Variants in PRDM16 observed in about 807,000 individuals in gnomAD.
PRDM16 encodes histone-lysine N-methyltransferase PRDM16.
Under a neutral mutation model 110.6 loss-of-function variants are expected in PRDM16, and 23 were observed. The observed-to-expected ratio is 0.21, with a 90% CI of 0.15 to 0.29. The LOEUF is 0.29. Ranked by LOEUF, PRDM16 falls within the 10% of genes least tolerant of loss-of-function variation. The pLI, the probability that PRDM16 is intolerant of heterozygous loss-of-function variation, is 1.00. For missense variants in PRDM16, 1,615 were observed against 1,794.3 expected, an observed-to-expected ratio of 0.90 and a Z score of 1.81; for synonymous variants, 799 against 781.8, an observed-to-expected ratio of 1.02 and a Z score of -0.37.
intron 2 of PRDM16, among the ~76,000 whole-genome samples, chr1:3,187,041 C>A (rs1460148177): frequency 2.0e-5 from 3 of 152,254 alleles, no homozygotes; most frequent in Admixed American, 1.3e-4. Context: ...CACGACGTGA[C>A]TGGCCTTGAG....
chr1:3,372,766 C>G (rs980153632), intron 3 of PRDM16, among the ~76,000 whole-genome samples: 5 of 152,214 alleles, frequency 3.3e-5, no homozygotes, highest in African/African-American at 1.2e-4. Context: ...ACTATGGCAG[C>G]CTGCTCTGGG....
chr1:3,185,360 C>T (rs1366751183), intron 1 of PRDM16, among the ~76,000 whole-genome samples: 1 of 152,190 alleles, frequency 6.6e-6, no homozygotes, highest in Non-Finnish European at 1.5e-5. Flanking sequence ...CTCAGCAGGC[C>T]TGTTCCTAGC....
In PRDM16 at chr1:3,292,232, G is replaced by C. The variant is rs114652920; in HGVS notation, c.438+48095G>C. ...CGCCAGGAGGAACCTGCCGTGGCCC[G>C]GCCTCAAGTCCTGTTACTCAACACT... On this transcript the variant is annotated intron_variant, in intron 3 of 16. Transcript: ENST00000270722. Among the ~76,000 whole-genome samples, 1,092 of 152,276 alleles carry C rather than the reference G, an allele frequency of 7.2e-3. 14 individuals carry two copies. The highest frequency in any genetic ancestry group is 0.024 in the African/African-American group (1,013 of 41,570).
At chr1:3,249,985 G>A (rs1469299300) in intron 3 of PRDM16, among the ~76,000 whole-genome samples, 1 of 152,172 alleles carries the variant, frequency 6.6e-6, no homozygotes, top group East Asian at 1.9e-4. Flanking sequence ...GGCGGCCCAG[G>A]CAGCAGAAAG....
At position 3,208,604 on chromosome 1, in the gene PRDM16, T is replaced by TGC. The variant is rs1638807461; in HGVS notation, c.387+22131_387+22132dup. 1 of 150,002 alleles carries TGC rather than the reference T, an allele frequency of 6.7e-6. No homozygotes were observed. The highest frequency in any genetic ancestry group is 6.7e-5 in the Admixed American group (1 of 15,030). The allele number at this position is 150,002 out of a possible 1,614,324, so 9.3% of individuals were successfully genotyped here. Reference sequence around the variant, plus strand: ...TCGCTTGAACCCAGGAGGCAGAAGTTGCAGTGAGCTGAGGTCACGTGACTG... The same window carrying TGC: ...TCGCTTGAACCCAGGAGGCAGAAGTTGCGCAGTGAGCTGAGGTCACGTGACTG... On this transcript the variant is annotated intron_variant, in intron 2 of 16. Coordinates refer to ENST00000270722, the MANE Select transcript of PRDM16 (RefSeq NM_022114.4). The surrounding 1 kb of genome is among the most constrained non-coding windows in gnomAD (Gnocchi z 6.1).
At chr1:3,134,166 A>G (rs1333427919) in intron 1 of PRDM16, among the ~76,000 whole-genome samples, 1 of 152,148 alleles carries the variant, frequency 6.6e-6, no homozygotes, top group Non-Finnish European at 1.5e-5. Flanking sequence ...CTTGGAGATC[A>G]GCACCTCCCG....
intron 1 of PRDM16, among the ~76,000 whole-genome samples, chr1:3,129,422 AGTGT>A (rs1223284796): frequency 5.5e-5 from 8 of 146,510 alleles, no homozygotes; most frequent in South Asian, 2.2e-4. Flanking sequence ...TGTGCTTGTG[AGTGT>A]GTGTATCCTT....
At chr1:3,115,198 C>T (rs886533042) in intron 1 of PRDM16, among the ~76,000 whole-genome samples, 2 of 152,206 alleles carry the variant, frequency 1.3e-5, no homozygotes, top group South Asian at 2.1e-4. Context: ...CCTGTGACCC[C>T]GCCTCTCCTG....
chr1:3,222,723 G>A (rs946254744), intron 2 of PRDM16, among the ~76,000 whole-genome samples: 8 of 152,260 alleles, frequency 5.3e-5, no homozygotes, highest in South Asian at 4.1e-4. Context: ...TGTCTCCAGC[G>A]TGCAGTGGGG....
chr1:3,162,516 G>A (rs72846831), intron 1 of PRDM16, among the ~76,000 whole-genome samples: 5 of 152,158 alleles, frequency 3.3e-5, no homozygotes, highest in Non-Finnish European at 5.9e-5. Flanking sequence ...GGCTGAGGTC[G>A]CAGGCCCACG....
intron 3 of PRDM16, among the ~76,000 whole-genome samples, chr1:3,313,350 C>T (rs1255348494): frequency 1.3e-5 from 2 of 152,178 alleles, no homozygotes; most frequent in Admixed American, 1.3e-4. Context: ...GCTCCCAGAC[C>T]GGAGGGCGGC....
intron 1 of PRDM16, among the ~76,000 whole-genome samples, chr1:3,094,985 G>A (rs10449220): frequency 0.31 from 47,134 of 152,122 alleles, 7,748 homozygotes; most frequent in East Asian, 0.52. Flanking sequence ...GGAATTGCCC[G>A]TGCTGGGCGA....
intron 3 of PRDM16, among the ~76,000 whole-genome samples, chr1:3,257,797 C>G (rs936112516): frequency 3.9e-5 from 6 of 152,190 alleles, no homozygotes; most frequent in Admixed American, 3.3e-4. Flanking sequence ...ACATCGGAGC[C>G]CGCACAGTCG....
chr1:3,294,995 A>G (rs1310327416), intron 3 of PRDM16, among the ~76,000 whole-genome samples: 1 of 152,152 alleles, frequency 6.6e-6, no homozygotes, highest in African/African-American at 2.4e-5. Context: ...CAGGCAGGCT[A>G]TGGCAGGTTC....
chr1:3,284,861 G>A (rs540869959), intron 3 of PRDM16, among the ~76,000 whole-genome samples: 3 of 152,324 alleles, frequency 2.0e-5, no homozygotes, highest in Admixed American at 6.5e-5. Context: ...GCTGGAGGCC[G>A]GGCTGAGGAG....
intron 3 of PRDM16, among the ~76,000 whole-genome samples, chr1:3,316,824 G>A (rs1641617182): frequency 6.6e-6 from 1 of 152,160 alleles, no homozygotes; most frequent in East Asian, 1.9e-4. Flanking sequence ...GGGTAGACAG[G>A]AAACAGTGAC....
chr1:3,239,191 G>T (rs1166331840), intron 2 of PRDM16, among the ~76,000 whole-genome samples: 2 of 152,240 alleles, frequency 1.3e-5, no homozygotes, highest in African/African-American at 4.8e-5. Flanking sequence ...AAGGGAGGAT[G>T]TGTGGGTGGC....
chr1:3,094,546 G>T (rs1465575433), intron 1 of PRDM16, among the ~76,000 whole-genome samples: 2 of 152,198 alleles, frequency 1.3e-5, no homozygotes, highest in African/African-American at 2.4e-5. Context: ...CCCCCAGCAG[G>T]TTCAGAGCCA....
chr1:3,260,861 C>T (rs968120483), intron 3 of PRDM16, among the ~76,000 whole-genome samples: 2 of 147,714 alleles, frequency 1.4e-5, no homozygotes, highest in Non-Finnish European at 3.0e-5. Flanking sequence ...CATCTAGACA[C>T]AGTCATTACA....
Sources: gnomAD v4.1 joint callset for allele counts (sites outside exome capture counted in the v4.1 genomes callset) on GRCh38, gnomAD v4.1.1 for gene constraint, Gnocchi (gnomAD v3.1) non-coding constraint, MANE v1.5 for transcripts, NCBI Gene and HGNC (gene_info 2026-07-23, HGNC 2026-07-21) for gene names.